Variants in PCCA observed in about 807,000 individuals in gnomAD.
PCCA encodes the protein propionyl-CoA carboxylase alpha chain, mitochondrial.
A neutral mutation model predicts 101.3 loss-of-function variants in PCCA; 74 were observed. The observed-to-expected ratio is 0.73, with a 90% confidence interval of 0.61 to 0.89. The LOEUF is 0.89. Among genes scored for constraint, PCCA ranks in the 40% least tolerant of loss-of-function variants. The pLI is 0.00. For missense variants in PCCA, 891 were observed against 907.0 expected, an observed-to-expected ratio of 0.98 and a Z score of 0.23; for synonymous variants, 294 against 313.6, an observed-to-expected ratio of 0.94 and a Z score of 0.66.
chr13:100,283,063 A>C (rs4433673), intron 12 of PCCA, among the ~76,000 whole-genome samples: 67,823 of 151,064 alleles, frequency 0.45, 16,424 homozygotes, highest in South Asian at 0.65. Context: ...AGATCAAGGC[A>C]GACCTGGGGA....
At chr13:100,303,566 G>T (rs896269044) in intron 14 of PCCA, among the ~76,000 whole-genome samples, 1 of 151,756 alleles carries the variant, frequency 6.6e-6, no homozygotes, top group African/African-American at 2.4e-5. Context: ...AGTTTTTGTT[G>T]CAGAAAAAGA....
intron 18 of PCCA, among the ~76,000 whole-genome samples, chr13:100,351,980 G>C (rs1273162421): frequency 6.6e-6 from 1 of 152,134 alleles, no homozygotes. Flanking sequence ...AAATTGTAAT[G>C]CCCGGGGTAA....
intron 19 of PCCA, among the ~76,000 whole-genome samples, chr13:100,387,100 TG>T (rs1454269587): frequency 2.0e-5 from 3 of 152,044 alleles, no homozygotes; most frequent in Non-Finnish European, 4.4e-5. Flanking sequence ...GTCCCACAGG[TG>T]TAAGTACACA....
chr13:100,388,626 T>A (rs1183715337), intron 19 of PCCA, among the ~76,000 whole-genome samples: 1 of 152,134 alleles, frequency 6.6e-6, no homozygotes, highest in African/African-American at 2.4e-5. Context: ...TGAAACCCAG[T>A]CTCTACTAAA....
At chr13:100,344,589 C>T (rs1235899373) in intron 18 of PCCA, among the ~76,000 whole-genome samples, 1 of 152,094 alleles carries the variant, frequency 6.6e-6, no homozygotes, top group African/African-American at 2.4e-5. Context: ...TTAATGTGTG[C>T]TCCATAGAGC....
intron 18 of PCCA, among the ~76,000 whole-genome samples, chr13:100,352,496 G>A (rs1205559147): frequency 6.6e-6 from 1 of 150,994 alleles, no homozygotes; most frequent in East Asian, 2.0e-4. Flanking sequence ...CTGGGCTCAG[G>A]TGATTCTCCT....
intron 21 of PCCA, 78 bp downstream of exon 21, chr13:100,449,383 C>T: frequency 1.2e-6 from 1 of 851,266 alleles, no homozygotes; most frequent in South Asian, 1.7e-5. Context: ...TGTGTTTGAA[C>T]TTGGCTTCAT....
At chr13:100,528,752 T>A (rs768670696) in intron 23 of PCCA, among the ~76,000 whole-genome samples, 6 of 152,222 alleles carry the variant, frequency 3.9e-5, no homozygotes, top group Non-Finnish European at 8.8e-5. Flanking sequence ...TTTTAAGGAA[T>A]TCTTTCTAAA....
At chr13:100,511,856 G>A (rs2086508319) in intron 21 of PCCA, among the ~76,000 whole-genome samples, 1 of 152,184 alleles carries the variant, frequency 6.6e-6, no homozygotes, top group South Asian at 2.1e-4. Context: ...AAAAAAGTGG[G>A]TGGATTTAAT....
intron 7 of PCCA, among the ~76,000 whole-genome samples, chr13:100,226,480 A>G (rs1289427614): frequency 6.6e-6 from 1 of 152,144 alleles, no homozygotes; most frequent in East Asian, 1.9e-4. Context: ...TGACACTAAT[A>G]CCACTATCAA....
intron 4 of PCCA, among the ~76,000 whole-genome samples, chr13:100,144,953 A>C (rs1183174796): frequency 6.6e-6 from 1 of 152,198 alleles, no homozygotes; most frequent in African/African-American, 2.4e-5. Flanking sequence ...TCCAGAGGAG[A>C]CAGCCTTGAG....
intron 4 of PCCA, among the ~76,000 whole-genome samples, chr13:100,125,672 G>A (rs2152311806): frequency 6.6e-6 from 1 of 152,220 alleles, no homozygotes; most frequent in South Asian, 2.1e-4. Flanking sequence ...GGAGAAGAAA[G>A]CATTTAAGAT....
intron 19 of PCCA, among the ~76,000 whole-genome samples, chr13:100,397,877 A>G (rs2077125808): frequency 6.6e-6 from 1 of 152,198 alleles, no homozygotes; most frequent in South Asian, 2.1e-4. Context: ...ATAACCATAG[A>G]CAAACTTGTG....
chr13:100,306,861 A>T (rs1371178338), intron 14 of PCCA, among the ~76,000 whole-genome samples: 1 of 152,250 alleles, frequency 6.6e-6, no homozygotes, highest in African/African-American at 2.4e-5. Flanking sequence ...CAGGGAGTGC[A>T]GTTAGCAAGG....
At chr13:100,408,860 A>G (rs1051978421) in intron 19 of PCCA, among the ~76,000 whole-genome samples, 1 of 152,228 alleles carries the variant, frequency 6.6e-6, no homozygotes, top group African/African-American at 2.4e-5. Flanking sequence ...TGACAGGGTA[A>G]AGTAGGAAAA....
chr13:100,283,656 G>A (rs903201044), intron 12 of PCCA, among the ~76,000 whole-genome samples: 5 of 152,084 alleles, frequency 3.3e-5, no homozygotes, highest in African/African-American at 1.2e-4. Flanking sequence ...TGGCAACCTC[G>A]GTGTTCTATA....
At chr13:100,098,034 A>T (rs2046933358) in intron 1 of PCCA, among the ~76,000 whole-genome samples, 1 of 151,752 alleles carries the variant, frequency 6.6e-6, no homozygotes, top group Admixed American at 6.6e-5. Context: ...AAAAAAAAAA[A>T]GTACAATGAA....
intron 4 of PCCA, among the ~76,000 whole-genome samples, chr13:100,131,869 C>A (rs2050551495): frequency 6.6e-6 from 1 of 152,104 alleles, no homozygotes; most frequent in African/African-American, 2.4e-5. Context: ...TAATTACATA[C>A]ATTTATGACA....
chr13:100,273,490 C>G (rs920976852), intron 12 of PCCA, 144 bp downstream of exon 12: 6 of 696,422 alleles, frequency 8.6e-6, no homozygotes, highest in South Asian at 5.1e-5. Context: ...GCTAAGACAT[C>G]TGTTAGGAAT....
Sources: allele counts gnomAD v4.1 joint callset (sites outside exome capture counted in the v4.1 genomes callset), GRCh38; gene constraint gnomAD v4.1.1; transcripts MANE v1.5; gene names NCBI Gene and HGNC (gene_info 2026-07-23, HGNC 2026-07-21).